Variants in FLT3LG observed in about 807,000 individuals in gnomAD.
FLT3LG encodes fms related receptor tyrosine kinase 3 ligand.
In FLT3LG, 8 loss-of-function variants were observed where a neutral mutation model predicts 30.9. That is an observed-to-expected ratio of 0.26 (90% CI 0.15 to 0.47). The LOEUF is 0.47. Among genes scored for constraint, FLT3LG ranks in the 20% least tolerant of loss-of-function variants. The pLI, the probability that FLT3LG is intolerant of heterozygous loss-of-function variation, is 0.99. For synonymous variants in FLT3LG, 123 were observed against 135.9 expected (o/e 0.91, Z 0.66); for missense variants, 278 against 306.2 (o/e 0.91, Z 0.69).
At chr19:49,481,031 C>CA (rs57522107) in intron 8 of FLT3LG, 1,685 of 88,128 alleles carry the variant, frequency 0.019, 14 homozygotes, top group Non-Finnish European at 0.034. Flanking sequence ...GACTCCGTCT[C>CA]AAAAAAAAAA....
intron 8 of FLT3LG, among the ~76,000 whole-genome samples, chr19:49,484,288 ATT>A (rs745909519): frequency 6.3e-4 from 62 of 98,334 alleles, no homozygotes; most frequent in African/African-American, 2.5e-3. Flanking sequence ...TTTTATTATA[ATT>A]TTTTTTTTTT....
intron 8 of FLT3LG, among the ~76,000 whole-genome samples, chr19:49,484,291 T>TC (rs2079724501): frequency 7.0e-6 from 1 of 143,062 alleles, no homozygotes; most frequent in African/African-American, 2.6e-5. Context: ...TATTATAATT[T>TC]TTTTTTTTTT....
At position 49,476,314 on chromosome 19, in the gene FLT3LG, T is replaced by G. The variant is rs3745307; in HGVS notation, c.199-109T>G. On this transcript the variant is annotated intron_variant, in intron 4 of 8. Coordinates refer to ENST00000597551, the MANE Select transcript of FLT3LG (RefSeq NM_001459.4). This position sits in a 1 kb window ranked among gnomAD's most constrained non-coding sequence, Gnocchi z 5.3. Reference sequence around the variant, plus strand: ...TCCCCAAACCCAGGAATCAGAGTCCTCAGCCCCTCCTCCCTCAGACCCAGG... The same window carrying G: ...TCCCCAAACCCAGGAATCAGAGTCCGCAGCCCCTCCTCCCTCAGACCCAGG... 6.9e-7 allele frequency: 1 copy of G among 1,454,258 alleles called. No homozygotes were observed. The highest frequency in any genetic ancestry group is 1.7e-5 in the Admixed American group (1 of 59,148). The allele number at this position is 1,454,258 out of a possible 1,614,324, so 90.1% of individuals were successfully genotyped here.
At position 49,476,631 on chromosome 19, in the gene FLT3LG, G is replaced by A; in HGVS notation, c.342+65G>A. 2 of 1,604,612 alleles carry A rather than the reference G, an allele frequency of 1.2e-6. No individual in the cohort carries two copies. Among genetic ancestry groups the A allele is most frequent in the South Asian group, 1.1e-5 (1 of 90,488 alleles). On this transcript the variant is annotated intron_variant, in intron 5 of 8. Transcript: ENST00000597551. This position sits in a 1 kb window ranked among gnomAD's most constrained non-coding sequence, Gnocchi z 5.3. ...TGCCTTCCTACGAATTAGAAGTAAAGCTCCACTAGGCCTTATTGGCGATTT... is the reference window on the plus strand; with the variant it reads ...TGCCTTCCTACGAATTAGAAGTAAAACTCCACTAGGCCTTATTGGCGATTT...
At chr19:49,478,852 T>C (rs2079490620) in intron 5 of FLT3LG, 57 bp from the exon 6 acceptor site, 2 of 1,433,444 alleles carry the variant, frequency 1.4e-6, no homozygotes, top group South Asian at 1.5e-5. Flanking sequence ...GCCTTTGGCC[T>C]GCGGAGGGGC....
chr19:49,475,891 T>C (rs2079377973), intron 3 of FLT3LG, 90 bp downstream of exon 3: 1 of 1,276,668 alleles, frequency 7.8e-7, no homozygotes, highest in Non-Finnish European at 1.1e-6. Flanking sequence ...TCCCTGTGTT[T>C]CCCAGGGTGG....
chr19:49,477,702 A>G (rs759947615), intron 5 of FLT3LG, among the ~76,000 whole-genome samples: 5 of 151,980 alleles, frequency 3.3e-5, no homozygotes, highest in Non-Finnish European at 7.4e-5. Context: ...AGATCACACC[A>G]CTGCCCTCCA....
intron 8 of FLT3LG, among the ~76,000 whole-genome samples, chr19:49,484,458 C>G (rs1315938047): frequency 2.0e-5 from 3 of 151,802 alleles, no homozygotes; most frequent in Non-Finnish European, 2.9e-5. Flanking sequence ...CCACGCCCAA[C>G]TAATTTAGTG....
chr19:49,478,081 G>A (rs1022051048), intron 5 of FLT3LG, among the ~76,000 whole-genome samples: 7 of 151,672 alleles, frequency 4.6e-5, no homozygotes, highest in East Asian at 3.9e-4. Flanking sequence ...TTGGGAGGCC[G>A]AGGCGGGCGA....
At chr19:49,478,805 AC>A in intron 5 of FLT3LG, 103 bp from the exon 6 acceptor site, 1 of 1,069,628 alleles carries the variant, frequency 9.3e-7, no homozygotes, top group Non-Finnish European at 1.3e-6. Context: ...GCCAGAGCTC[AC>A]TGGGCCCTGT....
Position 49,476,083 on chromosome 19 carries a change from G to C in FLT3LG, c.145-62G>C. The C allele has an allele frequency of 6.3e-7, 1 of 1,581,368 alleles. No homozygotes were observed. The highest frequency in any genetic ancestry group is 2.2e-5 in the East Asian group (1 of 44,750). ...TCTCTGGATCTCTGCTGCCACCTCT[G>C]GGTCCCCACAGTTCTGTTTCTCGCT... On this transcript the variant is annotated intron_variant, in intron 3 of 8. Transcript: ENST00000597551. This position sits in a 1 kb window ranked among gnomAD's most constrained non-coding sequence, Gnocchi z 5.3.
chr19:49,476,604 G>A lies in FLT3LG; in HGVS notation c.342+38G>A, dbSNP rs780247349. Reference sequence around the variant, plus strand: ...CTTAGGGGACAAGTGAGGGGAGGGAGATGCCTTCCTACGAATTAGAAGTAA... The same window carrying A: ...CTTAGGGGACAAGTGAGGGGAGGGAAATGCCTTCCTACGAATTAGAAGTAA... On this transcript the variant is annotated intron_variant, in intron 5 of 8. Transcript: ENST00000597551. This position sits in a 1 kb window ranked among gnomAD's most constrained non-coding sequence, Gnocchi z 5.3. 75 of 1,612,016 alleles carry A rather than the reference G, an allele frequency of 4.7e-5. No homozygotes were observed. Among genetic ancestry groups the A allele is most frequent in the Non-Finnish European group, 6.3e-5 (74 of 1,179,292 alleles).
At chr19:49,474,823 G>A in intron 2 of FLT3LG, 151 bp downstream of exon 2, 2 of 845,752 alleles carry the variant, frequency 2.4e-6, no homozygotes, top group African/African-American at 1.7e-5. Flanking sequence ...ATGGATAGGA[G>A]AGGAGACGGA....
chr19:49,477,832 G>A (rs2079447296), intron 5 of FLT3LG, among the ~76,000 whole-genome samples: 1 of 152,068 alleles, frequency 6.6e-6, no homozygotes, highest in South Asian at 2.1e-4. Context: ...CAGATCACGA[G>A]GTCAGGAGTT....
At chr19:49,483,012 G>C (rs1204110778) in intron 8 of FLT3LG, among the ~76,000 whole-genome samples, 2 of 152,096 alleles carry the variant, frequency 1.3e-5, no homozygotes, top group African/African-American at 4.8e-5. Context: ...CATGTAATCA[G>C]TATTTCTCAA....
chr19:49,484,566 G>C (rs543174735), intron 8 of FLT3LG, among the ~76,000 whole-genome samples: 1 of 151,830 alleles, frequency 6.6e-6, no homozygotes, highest in Non-Finnish European at 1.5e-5. Context: ...GCACGATCTC[G>C]GCTCACTGCA....
Position 49,479,191 on chromosome 19 carries a change from C to T in FLT3LG, c.481+144C>T, listed in dbSNP as rs563316991. 240 of 710,216 alleles carry T rather than the reference C, an allele frequency of 3.4e-4. No homozygotes were observed. In the East Asian group the frequency reaches 8.2e-3, roughly 24 times the overall value. 44.0% of individuals were successfully genotyped at this position (710,216 alleles called of 1,614,324 possible). A position where few individuals can be genotyped will look rare whatever the true frequency, so the allele number is the denominator to read the frequency against. The stretch of plus-strand genomic sequence containing the variant: ...ATTCCTCTTTCTGGAGCTCAGTTTA[C>T]CAATTTTTTTTTTTTTTTTTTGAGA... On this transcript the variant is annotated intron_variant, in intron 6 of 8. Coordinates refer to ENST00000597551, the MANE Select transcript of FLT3LG (RefSeq NM_001459.4).
intron 2 of FLT3LG, among the ~76,000 whole-genome samples, chr19:49,474,982 G>C (rs1315625708): frequency 7.4e-6 from 1 of 134,454 alleles, no homozygotes; most frequent in Non-Finnish European, 1.6e-5. Flanking sequence ...CAGATGAACA[G>C]AGGAGAGGGA....
intron 2 of FLT3LG, among the ~76,000 whole-genome samples, chr19:49,475,362 CA>C (rs1235133238): frequency 2.0e-5 from 3 of 149,488 alleles, no homozygotes; most frequent in Non-Finnish European, 4.4e-5. Context: ...GTGTAGAAGG[CA>C]GAGGGAGGGA....
Sources: gnomAD v4.1 joint callset for allele counts (sites outside exome capture counted in the v4.1 genomes callset) on GRCh38, gnomAD v4.1.1 for gene constraint, Gnocchi (gnomAD v3.1) non-coding constraint, MANE v1.5 for transcripts, NCBI Gene and HGNC (gene_info 2026-07-23, HGNC 2026-07-21) for gene names.